The following SNX25 variants were observed in gnomAD, a reference collection of about 807,000 sequenced individuals.
SNX25 encodes sorting nexin 25.
Under a neutral mutation model 113.7 loss-of-function variants are expected in SNX25, and 62 were observed. The observed-to-expected ratio is 0.55, with a 90% CI of 0.44 to 0.67. The LOEUF (loss-of-function observed/expected upper bound fraction) is 0.67. SNX25 is among the 30% of genes least tolerant of loss of function. The pLI is 0.00. For missense variants in SNX25, 1,014 were observed against 1,161.0 expected, an observed-to-expected ratio of 0.87 and a Z score of 1.84; for synonymous variants, 421 against 436.2, an observed-to-expected ratio of 0.97 and a Z score of 0.43.
At chr4:185,360,538 C>T (rs968674859) in intron 16 of SNX25, among the ~76,000 whole-genome samples, 2 of 152,134 alleles carry the variant, frequency 1.3e-5, no homozygotes, top group Non-Finnish European at 2.9e-5. Context: ...TAAGATGATT[C>T]TTTTCCCCTT....
At chr4:185,377,536 AACAAAC>A in the SNX25 span, 1 of 166,526 alleles carries the variant, frequency 6.0e-6, no homozygotes, top group African/African-American at 2.4e-5. Context: ...CAACAACAAC[AACAAAC>A]AATACTTGTT....
chr4:185,285,188 G>A (rs1310004722), intron 5 of SNX25, among the ~76,000 whole-genome samples: 1 of 152,060 alleles, frequency 6.6e-6, no homozygotes, highest in East Asian at 1.9e-4. Context: ...ATAAATGTAT[G>A]TGCCATTTTT....
chr4:185,345,729 T>C (rs2095282457), intron 12 of SNX25, among the ~76,000 whole-genome samples: 1 of 151,610 alleles, frequency 6.6e-6, no homozygotes, highest in African/African-American at 2.4e-5. Flanking sequence ...AGATCAAGGC[T>C]GCCATGAGCC....
intron 4 of SNX25, among the ~76,000 whole-genome samples, chr4:185,265,656 G>C (rs561190757): frequency 6.6e-5 from 10 of 151,842 alleles, no homozygotes; most frequent in African/African-American, 2.4e-4. Flanking sequence ...ATTAACCTTA[G>C]CTTACTATAA....
At chr4:185,280,315 C>T (rs990162721) in intron 5 of SNX25, among the ~76,000 whole-genome samples, 1 of 152,004 alleles carries the variant, frequency 6.6e-6, no homozygotes, top group African/African-American at 2.4e-5. Flanking sequence ...AGTGGAATAC[C>T]ATATATTGGT....
intron 8 of SNX25, among the ~76,000 whole-genome samples, chr4:185,322,897 A>G (rs1011379012): frequency 1.3e-5 from 2 of 152,224 alleles, no homozygotes; most frequent in African/African-American, 4.8e-5. Flanking sequence ...GCTCTTTACT[A>G]TTGTTGAAAA....
chr4:185,242,766 G>A (rs1052568933), intron 1 of SNX25, among the ~76,000 whole-genome samples: 2 of 152,184 alleles, frequency 1.3e-5, no homozygotes, highest in African/African-American at 2.4e-5. Context: ...GCCCCTGAGA[G>A]TAGAAGGAGG....
At chr4:185,313,960 C>T (rs746611010) in intron 7 of SNX25, among the ~76,000 whole-genome samples, 3 of 152,052 alleles carry the variant, frequency 2.0e-5, no homozygotes, top group Non-Finnish European at 4.4e-5. Flanking sequence ...TTACTACTCA[C>T]TAAGTGGAAG....
intron 1 of SNX25, among the ~76,000 whole-genome samples, chr4:185,212,235 C>T (rs11733395): frequency 1.8e-3 from 268 of 151,252 alleles, no homozygotes; most frequent in African/African-American, 5.5e-3. Context: ...TCCTCAGCCT[C>T]GGAAAGTGTT....
intron 13 of SNX25, among the ~76,000 whole-genome samples, chr4:185,350,352 T>A (rs1213119403): frequency 6.6e-6 from 1 of 152,228 alleles, no homozygotes; most frequent in Non-Finnish European, 1.5e-5. Context: ...TCCATCTCCC[T>A]ATGTGGCTGA....
At chr4:185,281,328 T>A (rs1750531476) in intron 5 of SNX25, among the ~76,000 whole-genome samples, 1 of 152,148 alleles carries the variant, frequency 6.6e-6, no homozygotes, top group South Asian at 2.1e-4. Flanking sequence ...TATTGAACTC[T>A]CACTGCGGGG....
At chr4:185,271,544 C>T (rs1490140786) in intron 5 of SNX25, among the ~76,000 whole-genome samples, 1 of 152,146 alleles carries the variant, frequency 6.6e-6, no homozygotes, top group Non-Finnish European at 1.5e-5. Context: ...CCACCGTGCC[C>T]GGCCTGGAAC....
chr4:185,300,742 G>T (rs1025437123), intron 6 of SNX25, among the ~76,000 whole-genome samples: 1 of 151,940 alleles, frequency 6.6e-6, no homozygotes, highest in African/African-American at 2.4e-5. Flanking sequence ...AATCACCAAG[G>T]TGATGGTATT....
At chr4:185,253,939 C>G (rs577099693) in intron 2 of SNX25, among the ~76,000 whole-genome samples, 10 of 152,288 alleles carry the variant, frequency 6.6e-5, no homozygotes, top group African/African-American at 2.2e-4. Context: ...CAAAGTATAA[C>G]AGAAATTTTA....
chr4:185,280,056 A>G (rs1750353978), intron 5 of SNX25, among the ~76,000 whole-genome samples: 1 of 152,082 alleles, frequency 6.6e-6, no homozygotes, highest in South Asian at 2.1e-4. Flanking sequence ...CCCAGTCCCA[A>G]GTAGCTGGGA....
At position 185,339,389 on chromosome 4, in the gene SNX25, A is replaced by T. The variant is rs1200775460; in HGVS notation, c.1925A>T (p.Lys642Met). 6.2e-7 allele frequency: 1 copy of T among 1,613,868 alleles called. No homozygotes were observed. Among genetic ancestry groups the T allele is most frequent in the South Asian group, 1.1e-5 (1 of 91,058 alleles). The change falls in exon 11 of 19, where the codon AAG (lysine) becomes ATG (methionine). Residue 642 changes from lysine to methionine, a missense_variant. Lys to Met is a moderately conservative substitution (Grantham distance 95, BLOSUM62 -1). Coordinates refer to ENST00000652585, the MANE Select transcript of SNX25 (RefSeq NM_001378034.2). ...APKPDKKIVS[K>M]LKDEIILIEK... ...TTTTCCCTGTGGCAGATTGTTTCCA[A>T]GTTGAAGGATGAAATAATCCTAATA...
intron 1 of SNX25, among the ~76,000 whole-genome samples, chr4:185,242,378 C>T (rs1051479614): frequency 6.6e-6 from 1 of 152,126 alleles, no homozygotes; most frequent in Non-Finnish European, 1.5e-5. Context: ...CTCAACCCCC[C>T]ACCCCCAACG....
intron 12 of SNX25, among the ~76,000 whole-genome samples, chr4:185,342,460 G>T (rs1296000033): frequency 6.6e-6 from 1 of 152,172 alleles, no homozygotes; most frequent in Non-Finnish European, 1.5e-5. Flanking sequence ...AGAATGAGCT[G>T]CATTGGATTC....
chr4:185,367,154 T>C (rs1348248577), downstream of SNX25: 3 of 1,589,816 alleles, frequency 1.9e-6, no homozygotes, highest in Non-Finnish European at 1.7e-6. Context: ...TTAGCATTGA[T>C]GATCTTTGTT....
Sources: gnomAD v4.1 joint callset for allele counts (sites outside exome capture counted in the v4.1 genomes callset) on GRCh38, gnomAD v4.1.1 for gene constraint, MANE v1.5 for transcripts, NCBI Gene and HGNC (gene_info 2026-07-23, HGNC 2026-07-21) for gene names.